The following SCN1A variants were observed in gnomAD, a reference collection of about 807,000 sequenced individuals.
SCN1A encodes sodium voltage-gated channel alpha subunit 1, also known as sodium channel protein type 1 subunit alpha.
SCN1A carries 13 observed loss-of-function variants against 193.7 expected under a neutral mutation model. The ratio of observed to expected loss-of-function variants is 0.07; its 90% CI spans 0.04 to 0.11. The LOEUF (loss-of-function observed/expected upper bound fraction) is 0.11, where lower values mean the gene tolerates loss of function less well. Ranked by LOEUF, SCN1A falls within the 10% of genes least tolerant of loss-of-function variation. The pLI, the probability that SCN1A is intolerant of heterozygous loss-of-function variation, is 1.00. For missense variants in SCN1A, 1,432 were observed against 2,451.1 expected (o/e 0.58, Z 8.78); for synonymous variants, 781 against 843.6 (o/e 0.93, Z 1.29).
intron 2 of SCN1A, among the ~76,000 whole-genome samples, chr2:166,099,213 A>C (rs998938716): frequency 2.0e-5 from 3 of 152,012 alleles, no homozygotes; most frequent in African/African-American, 7.3e-5. Context: ...CAATATACGC[A>C]AATCAATAAA....
chr2:166,052,798 G>A (rs1211027166), intron 8 of SCN1A, 54 bp downstream of exon 8: 12 of 1,356,344 alleles, frequency 8.8e-6, no homozygotes, highest in Non-Finnish European at 9.5e-6. Context: ...GTCAAGCAGA[G>A]AAGGATGCTG....
chr2:166,118,549 T>C (rs1162057279), intron 2 of SCN1A, among the ~76,000 whole-genome samples: 3 of 151,904 alleles, frequency 2.0e-5, no homozygotes, highest in Non-Finnish European at 4.4e-5. Flanking sequence ...GGCACTGAAA[T>C]GATGGTATTC....
At chr2:166,148,611 G>A (rs998839565) in intron 1 of SCN1A, among the ~76,000 whole-genome samples, 1 of 152,040 alleles carries the variant, frequency 6.6e-6, no homozygotes, top group African/African-American at 2.4e-5. Flanking sequence ...ATTCTTATAC[G>A]ATCACAAACA....
chr2:166,139,600 C>G (rs1024847783), intron 1 of SCN1A, among the ~76,000 whole-genome samples: 2 of 152,122 alleles, frequency 1.3e-5, no homozygotes, highest in Non-Finnish European at 1.5e-5. Flanking sequence ...TGTAAATTGC[C>G]CAGTGTATTA....
chr2:166,119,674 C>T (rs538759033), intron 2 of SCN1A, among the ~76,000 whole-genome samples: 168 of 152,126 alleles, frequency 1.1e-3, no homozygotes, highest in African/African-American at 3.5e-3. Flanking sequence ...TATATTAGAC[C>T]GATTCCCAAA....
intron 2 of SCN1A, among the ~76,000 whole-genome samples, chr2:166,092,827 A>G (rs997164584): frequency 2.6e-5 from 4 of 152,190 alleles, no homozygotes; most frequent in African/African-American, 7.2e-5. Flanking sequence ...CTTAGCTTCA[A>G]TTCTATCATT....
At chr2:166,007,576 T>A (rs1187298697) in intron 23 of SCN1A, among the ~76,000 whole-genome samples, 3 of 151,482 alleles carry the variant, frequency 2.0e-5, no homozygotes, top group Non-Finnish European at 4.4e-5. Context: ...ACAATAAATG[T>A]TTAAAAGCTG....
Position 166,043,838 on chromosome 2 carries a change from G to A in SCN1A, c.1874C>T (p.Thr625Ile). ...TGCCAGCATCCGGGATGACCTACTG[G>A]TCTGACTCAGGTTGCTGTTGCGTCT... ...GERRNSNLSQTSRSSRMLAVF... is the reference protein window; with the variant it reads ...GERRNSNLSQISRSSRMLAVF... The change falls in exon 14 of 29, where the codon ACC (threonine) becomes ATC (isoleucine). Residue 625 changes from threonine to isoleucine, a missense_variant. Coordinates refer to ENST00000674923, the MANE Select transcript of SCN1A (RefSeq NM_001165963.4). 6.2e-7 allele frequency: 1 copy of A among 1,614,150 alleles called. No homozygotes were observed. Among genetic ancestry groups the A allele is most frequent in the Non-Finnish European group, 8.5e-7 (1 of 1,180,032 alleles).
intron 2 of SCN1A, among the ~76,000 whole-genome samples, chr2:166,098,905 G>T (rs1052286153): frequency 2.0e-5 from 3 of 152,176 alleles, no homozygotes; most frequent in African/African-American, 7.2e-5. Flanking sequence ...TGGGTAGGAA[G>T]AATTAATATT....
At chr2:166,056,714 G>A (rs1699174725) in intron 5 of SCN1A, among the ~76,000 whole-genome samples, 1 of 152,034 alleles carries the variant, frequency 6.6e-6, no homozygotes, top group Non-Finnish European at 1.5e-5. Flanking sequence ...TAGATTAAAT[G>A]AGGTAATGTA....
At chr2:166,139,293 G>C (rs373411440) in intron 1 of SCN1A, among the ~76,000 whole-genome samples, 24 of 150,918 alleles carry the variant, frequency 1.6e-4, no homozygotes, top group Middle Eastern at 3.4e-3. Context: ...TGGTTTGGCT[G>C]TGTCCCCACT....
At position 166,073,548 on chromosome 2, in the gene SCN1A, A is replaced by G. The variant is rs1684699254; in HGVS notation, c.74T>C (p.Ile25Thr). The change falls in exon 4 of 29, where the codon ATT (isoleucine) becomes ACT (threonine). Residue 25 changes from isoleucine to threonine, a missense_variant. Physicochemically the swap from Ile to Thr is moderately conservative, Grantham distance 89 (BLOSUM62 -1). Around this residue, in one of 18 missense-constraint regions of SCN1A, gnomAD observed 55 missense variants for 58.4 expected, o/e 0.94. Transcript: ENST00000674923. Reference sequence around the variant, plus strand: ...CTTTTCTTCTGCAATGCGTCTTTCAATAGCCGCAAGAGATTCTCTGGTGAA... The same window carrying G: ...CTTTTCTTCTGCAATGCGTCTTTCAGTAGCCGCAAGAGATTCTCTGGTGAA... Reference protein sequence around the residue: ...NFFTRESLAAIERRIAEEKAK... With the variant: ...NFFTRESLAATERRIAEEKAK... 3 of 1,614,036 alleles carry G rather than the reference A, an allele frequency of 1.9e-6. No individual in the cohort carries two copies. The highest frequency in any genetic ancestry group is 3.3e-5 in the Admixed American group (2 of 60,008).
At position 165,999,746 on chromosome 2, in the gene SCN1A, A is replaced by G; in HGVS notation, c.4315T>C (p.Tyr1439His). 6.2e-7 allele frequency: 1 copy of G among 1,608,052 alleles called. No individual in the cohort carries two copies. Among genetic ancestry groups the G allele is most frequent in the Non-Finnish European group, 8.5e-7 (1 of 1,175,496 alleles). ...ACATTTCTGGAATCAACTGCTGCAT[A>G]CATTATATCCATCCATCCTTTGAAT... ...ATFKGWMDIMYAAVDSRNVEL... is the reference protein window; with the variant it reads ...ATFKGWMDIMHAAVDSRNVEL... Residue 1439 changes from tyrosine (Y) to histidine (H), a missense_variant, in exon 25 of 29, where the codon TAT (tyrosine) becomes CAT (histidine). Coordinates refer to ENST00000674923, the MANE Select transcript of SCN1A (RefSeq NM_001165963.4).
At chr2:166,029,201 G>T (rs140904772) in intron 19 of SCN1A, among the ~76,000 whole-genome samples, 1 of 152,102 alleles carries the variant, frequency 6.6e-6, no homozygotes, top group African/African-American at 2.4e-5. Context: ...ACTCCATACT[G>T]TGAGCAATGG....
intron 2 of SCN1A, among the ~76,000 whole-genome samples, chr2:166,101,789 G>A (rs1260784978): frequency 6.6e-6 from 1 of 152,104 alleles, no homozygotes; most frequent in Non-Finnish European, 1.5e-5. Flanking sequence ...AGAAAACTAA[G>A]AAATACCTCG....
At chr2:166,129,470 A>ACTCT (rs1236940163), upstream of SCN1A, among the ~76,000 whole-genome samples, 7 of 152,104 alleles carry the variant, frequency 4.6e-5, no homozygotes, top group African/African-American at 1.7e-4. Flanking sequence ...CAGCTCAAAA[A>ACTCT]CTCTATCCAG....
chr2:166,010,389 C>T (rs1431159364), intron 22 of SCN1A, among the ~76,000 whole-genome samples: 1 of 151,152 alleles, frequency 6.6e-6, no homozygotes. Context: ...TTTATTTTTA[C>T]ATAAGTAACT....
chr2:166,087,025 T>G (rs185775051), intron 2 of SCN1A, among the ~76,000 whole-genome samples: 1 of 152,250 alleles, frequency 6.6e-6, no homozygotes, highest in Non-Finnish European at 1.5e-5. Context: ...AATCTCATGT[T>G]GAAATTTGAT....
At position 165,991,463 on chromosome 2, in the gene SCN1A, C is replaced by T. The variant is rs536616689; in HGVS notation, c.5812G>A (p.Ala1938Thr). Residue 1938 changes from alanine to threonine, a missense_variant, in exon 29 of 29, where the codon GCT (alanine) becomes ACT (threonine). Physicochemically the swap from Ala to Thr is moderately conservative, Grantham distance 58 (BLOSUM62 0). Transcript: ENST00000674923. ...TTGTTTTTATTGTACGTAAAGGAAG[C>T]TTGTTTTACAGTTCGCTTTAAAAGG... Reference protein sequence around the residue: ...RHLLKRTVKQASFTYNKNKIK... With the variant: ...RHLLKRTVKQTSFTYNKNKIK... 1 of 1,613,844 alleles carries T rather than the reference C, an allele frequency of 6.2e-7. No homozygotes were observed. Among genetic ancestry groups the T allele is most frequent in the Admixed American group, 1.7e-5 (1 of 59,942 alleles).
Sources: gnomAD v4.1 joint callset for allele counts (sites outside exome capture counted in the v4.1 genomes callset) on GRCh38, gnomAD v4.1.1 for gene constraint, gnomAD v4.1.1 regional missense constraint, MANE v1.5 for transcripts, NCBI Gene and HGNC (gene_info 2026-07-23, HGNC 2026-07-21) for gene names.